LHFPL6: variants seen among roughly 807,000 people sequenced by gnomAD.
LHFPL6 encodes LHFPL tetraspan subfamily member 6 protein.
In LHFPL6, 9 loss-of-function variants were observed where a neutral mutation model predicts 20.6. The observed-to-expected ratio is 0.44, with a 90% CI of 0.26 to 0.76. The LOEUF is 0.76. LHFPL6 is among the 30% of genes least tolerant of loss of function. The probability of loss-of-function intolerance (pLI) is 0.20; values close to 1 mark genes in which losing one functional copy is unlikely to be tolerated. For missense variants in LHFPL6, 218 were observed against 253.5 expected (o/e 0.86, Z 0.95); for synonymous variants, 105 against 98.7 (o/e 1.06, Z -0.38).
chr13:39,419,329 C>T (rs1871424652), intron 2 of LHFPL6, among the ~76,000 whole-genome samples: 3 of 152,216 alleles, frequency 2.0e-5, no homozygotes, highest in Admixed American at 2.0e-4. Context: ...GCTGATGTCA[C>T]TAATGTGATC....
At chr13:39,452,065 C>T (rs1872461616) in intron 2 of LHFPL6, among the ~76,000 whole-genome samples, 1 of 151,392 alleles carries the variant, frequency 6.6e-6, no homozygotes, top group Non-Finnish European at 1.5e-5. Context: ...GGAACAAAAA[C>T]TTTCTATGGA....
chr13:39,480,852 A>G (rs1265395862), intron 2 of LHFPL6, among the ~76,000 whole-genome samples: 1 of 152,212 alleles, frequency 6.6e-6, no homozygotes, highest in Non-Finnish European at 1.5e-5. Flanking sequence ...AGGTCAAAAA[A>G]TGGTACATAC....
chr13:39,560,022 A>G (rs1871422380), intron 2 of LHFPL6, among the ~76,000 whole-genome samples: 1 of 152,138 alleles, frequency 6.6e-6, no homozygotes, highest in South Asian at 2.1e-4. Flanking sequence ...CACAAGACCA[A>G]CTGAGCTTCC....
At chr13:39,491,553 C>G (rs532711067) in intron 2 of LHFPL6, among the ~76,000 whole-genome samples, 2 of 152,270 alleles carry the variant, frequency 1.3e-5, no homozygotes, top group Admixed American at 1.3e-4. Flanking sequence ...TCAAGATTAT[C>G]TTTCTGATGA....
intron 2 of LHFPL6, among the ~76,000 whole-genome samples, chr13:39,395,843 T>G (rs1870827994): frequency 6.6e-6 from 1 of 152,224 alleles, no homozygotes; most frequent in Admixed American, 6.5e-5. Flanking sequence ...GGTAGGCTTT[T>G]CACCCAACTC....
intron 2 of LHFPL6, among the ~76,000 whole-genome samples, chr13:39,431,267 C>G (rs1166398915): frequency 6.6e-6 from 1 of 152,190 alleles, no homozygotes. Context: ...CGGCTTCATT[C>G]CTGAAGTCAG....
At chr13:39,395,985 T>C (rs1870830303) in intron 2 of LHFPL6, among the ~76,000 whole-genome samples, 1 of 152,224 alleles carries the variant, frequency 6.6e-6, no homozygotes, top group African/African-American at 2.4e-5. Flanking sequence ...AAACAGACTA[T>C]TTTCACAATT....
At chr13:39,407,379 T>C (rs974747321) in intron 2 of LHFPL6, among the ~76,000 whole-genome samples, 20 of 152,304 alleles carry the variant, frequency 1.3e-4, no homozygotes, top group African/African-American at 4.6e-4. Context: ...GAAGTTCACC[T>C]TGATGCAGGC....
intron 2 of LHFPL6, among the ~76,000 whole-genome samples, chr13:39,529,476 T>C (rs537099813): frequency 5.1e-4 from 78 of 152,322 alleles, no homozygotes; most frequent in Non-Finnish European, 9.4e-4. Context: ...GTTCCTACTA[T>C]GTTCAAAGTC....
At chr13:39,381,735 TA>T (rs904328909) in intron 2 of LHFPL6, among the ~76,000 whole-genome samples, 5 of 148,650 alleles carry the variant, frequency 3.4e-5, no homozygotes, top group East Asian at 4.0e-4. Flanking sequence ...GAGTAAGGGT[TA>T]AAAAAAATTC....
intron 3 of LHFPL6, among the ~76,000 whole-genome samples, chr13:39,359,878 G>C (rs184181374): frequency 1.9e-4 from 29 of 152,230 alleles, no homozygotes; most frequent in Admixed American, 4.6e-4. Context: ...ATCAGATTTA[G>C]AGGACTGCAT....
chr13:39,514,377 G>A (rs921649770), intron 2 of LHFPL6, among the ~76,000 whole-genome samples: 3 of 152,212 alleles, frequency 2.0e-5, no homozygotes, highest in Admixed American at 1.3e-4. Context: ...ATGACTGGAA[G>A]TCTGTTCTCT....
intron 2 of LHFPL6, among the ~76,000 whole-genome samples, chr13:39,523,438 G>A (rs1312795944): frequency 6.6e-6 from 1 of 152,026 alleles, no homozygotes; most frequent in Non-Finnish European, 1.5e-5. Flanking sequence ...GCGAGGTGGC[G>A]GGCGCCTGTA....
intron 2 of LHFPL6, among the ~76,000 whole-genome samples, chr13:39,475,487 T>C (rs1257444766): frequency 1.3e-5 from 2 of 152,036 alleles, no homozygotes; most frequent in Non-Finnish European, 2.9e-5. Context: ...TTTGTTGTTG[T>C]TTTTAATGCA....
At chr13:39,388,235 G>T (rs186999991) in intron 2 of LHFPL6, among the ~76,000 whole-genome samples, 14 of 152,226 alleles carry the variant, frequency 9.2e-5, no homozygotes, top group Admixed American at 1.3e-4. Context: ...TTTCAAAATG[G>T]TGCCTTGATT....
intron 2 of LHFPL6, among the ~76,000 whole-genome samples, chr13:39,551,269 G>T (rs986679936): frequency 6.6e-6 from 1 of 152,028 alleles, no homozygotes; most frequent in Admixed American, 6.6e-5. Context: ...ATCCCATGGG[G>T]GACTGGTGGG....
intron 2 of LHFPL6, among the ~76,000 whole-genome samples, chr13:39,501,977 CAGG>C (rs1435631033): frequency 6.6e-6 from 1 of 152,188 alleles, no homozygotes; most frequent in Non-Finnish European, 1.5e-5. Context: ...GCCAAGGGCC[CAGG>C]AGGTCTGCAG....
At chr13:39,573,081 A>G (rs533115153) in intron 2 of LHFPL6, among the ~76,000 whole-genome samples, 3 of 152,338 alleles carry the variant, frequency 2.0e-5, no homozygotes, top group South Asian at 2.1e-4. Context: ...AACCTAGCCA[A>G]TGCCGTAACT....
chr13:39,360,011 T>C (rs1011170539), intron 3 of LHFPL6, among the ~76,000 whole-genome samples: 1 of 145,276 alleles, frequency 6.9e-6, no homozygotes, highest in African/African-American at 2.7e-5. Flanking sequence ...GGAGACAGGA[T>C]TTTGTTTTGT....
Sources: allele counts gnomAD v4.1 joint callset (sites outside exome capture counted in the v4.1 genomes callset), GRCh38; gene constraint gnomAD v4.1.1; transcripts MANE v1.5; gene names NCBI Gene and HGNC (gene_info 2026-07-23, HGNC 2026-07-21).